The following KCNMB3 variants were observed in gnomAD, a reference collection of about 807,000 sequenced individuals.
The protein encoded by KCNMB3 is potassium calcium-activated channel subfamily M regulatory beta subunit 3.
Under a neutral mutation model 11.9 loss-of-function variants are expected in KCNMB3, and 18 were observed. The observed-to-expected ratio is 1.51, with a 90% confidence interval of 1.04 to 2.23. The LOEUF is 2.23. Among genes scored for constraint, KCNMB3 ranks in the 30% most tolerant of loss-of-function variants. The probability of loss-of-function intolerance (pLI) is 0.00; values close to 1 mark genes in which losing one functional copy is unlikely to be tolerated. For synonymous variants in KCNMB3, 78 were observed against 119.2 expected (o/e 0.65, Z 2.25); for missense variants, 247 against 329.4 (o/e 0.75, Z 1.94).
At chr3:179,253,250 C>T (rs753459086), upstream of KCNMB3, among the ~76,000 whole-genome samples, 1 of 152,058 alleles carries the variant, frequency 6.6e-6, no homozygotes, top group Non-Finnish European at 1.5e-5. Context: ...AATGAGGTCG[C>T]TCTTCTAATG....
intron 1 of KCNMB3, among the ~76,000 whole-genome samples, chr3:179,249,992 T>C (rs923368965): frequency 2.0e-5 from 3 of 152,040 alleles, no homozygotes; most frequent in Admixed American, 6.6e-5. Flanking sequence ...ACGTTTACCT[T>C]TGTAACAAAC....
chr3:179,251,566 G>C, upstream of KCNMB3: 2 of 1,307,864 alleles, frequency 1.5e-6, no homozygotes, highest in Non-Finnish European at 1.9e-6. Context: ...TCTCTCCACT[G>C]TGCCTGCAAA....
chr3:179,261,532 G>T (rs527573457), intron 1 of KCNMB3, among the ~76,000 whole-genome samples: 28 of 152,148 alleles, frequency 1.8e-4, no homozygotes, highest in African/African-American at 6.7e-4. Flanking sequence ...ATGGCGCGGG[G>T]GAAGCGGGGC....
chr3:179,265,588 C>G (rs1459393073), intron 1 of KCNMB3, among the ~76,000 whole-genome samples: 2 of 152,172 alleles, frequency 1.3e-5, no homozygotes, highest in African/African-American at 4.8e-5. Flanking sequence ...TCCTGAGTAG[C>G]TGGGATTACA....
At chr3:179,258,733 A>C (rs1726102933) in intron 1 of KCNMB3, among the ~76,000 whole-genome samples, 1 of 152,220 alleles carries the variant, frequency 6.6e-6, no homozygotes. Context: ...TATTTTTATT[A>C]AGTGGACTAT....
intron 1 of KCNMB3, chr3:179,260,700 G>T: frequency 7.1e-7 from 1 of 1,400,552 alleles, no homozygotes; most frequent in Non-Finnish European, 1.0e-6. Context: ...TGTTTCTCGA[G>T]CATTTCCTCT....
chr3:179,257,980 G>A (rs540032083), intron 1 of KCNMB3, among the ~76,000 whole-genome samples: 1 of 152,276 alleles, frequency 6.6e-6, no homozygotes, highest in Non-Finnish European at 1.5e-5. Flanking sequence ...CGCCTCGCAG[G>A]TTCAAGCGAT....
intron 1 of KCNMB3, chr3:179,259,850 C>A: frequency 6.2e-7 from 1 of 1,612,408 alleles, no homozygotes; most frequent in Admixed American, 1.7e-5. Context: ...GACCTGTCGC[C>A]TCCTGACCCT....
chr3:179,250,806 A>C lies in KCNMB3; in HGVS notation c.185T>G (p.Met62Arg), dbSNP rs1262876407. Reference sequence around the variant, plus strand: ...GAAGAACATTAGGACTGAGAAGCCCATCATGGCAAACCCCAGCATCACGGC... The same window carrying C: ...GAAGAACATTAGGACTGAGAAGCCCCTCATGGCAAACCCCAGCATCACGGC... The part of the protein sequence containing the change: ...DRAVMLGFAM[M>R]GFSVLMFFLL... The change falls in exon 1 of 3, where the codon ATG becomes AGG. Residue 62 changes from methionine (M) to arginine (R), a missense_variant. This residue lies in a region of KCNMB3 where 160 missense variants were observed against 157.5 expected (regional missense o/e 1.02). Transcript: ENST00000392685. 4 of 1,614,098 alleles carry C rather than the reference A, an allele frequency of 2.5e-6. No individual in the cohort carries two copies. The Admixed American group carries it at 5.0e-5, about 20-fold the overall frequency.
intron 1 of KCNMB3, chr3:179,261,025 G>C (rs1289988661): frequency 2.3e-5 from 23 of 984,042 alleles, no homozygotes; most frequent in South Asian, 2.0e-4. Flanking sequence ...CTCTCTGAGA[G>C]GAAGTCCCAC....
At chr3:179,260,374 G>C (rs1242253983) in intron 1 of KCNMB3, 6 of 1,613,840 alleles carry the variant, frequency 3.7e-6, no homozygotes, top group East Asian at 2.2e-5. Flanking sequence ...CCTAGGAATG[G>C]GGCAGTGTCT....
chr3:179,243,799 G>A (rs1406504323), intron 2 of KCNMB3, among the ~76,000 whole-genome samples: 1 of 152,200 alleles, frequency 6.6e-6, no homozygotes, highest in African/African-American at 2.4e-5. Flanking sequence ...CAGTGGAGAA[G>A]GGAGCTCTGT....
intron 1 of KCNMB3, chr3:179,266,522 C>G: frequency 9.5e-7 from 1 of 1,053,770 alleles, no homozygotes; most frequent in African/African-American, 1.6e-5. Flanking sequence ...CCCTGGGAGG[C>G]ATGGCAAGTG....
chr3:179,256,974 C>A (rs993511466), intron 1 of KCNMB3, among the ~76,000 whole-genome samples: 4 of 152,120 alleles, frequency 2.6e-5, no homozygotes, highest in Admixed American at 6.5e-5. Context: ...CCAGCCTGGG[C>A]AACATAGCAA....
intron 1 of KCNMB3, chr3:179,259,400 G>A (rs1347964241): frequency 1.0e-5 from 16 of 1,590,370 alleles, no homozygotes; most frequent in African/African-American, 1.4e-5. Flanking sequence ...ATTGAACTGT[G>A]ACATCCTCAA....
upstream of KCNMB3, chr3:179,251,325 A>G (rs1017733071): frequency 4.2e-5 from 61 of 1,440,612 alleles, no homozygotes; most frequent in African/African-American, 8.6e-4. Flanking sequence ...CATGGAAAGA[A>G]TGACTCAAAA....
At chr3:179,265,793 C>CA (rs1560163252) in intron 1 of KCNMB3, among the ~76,000 whole-genome samples, 1 of 152,216 alleles carries the variant, frequency 6.6e-6, no homozygotes, top group Admixed American at 6.5e-5. Context: ...CCAACACCCT[C>CA]AGGCATCACT....
Position 179,259,374 on chromosome 3 carries a change from G to A in KCNMB3, c.62+7275C>T, listed in dbSNP as rs149305279. On this transcript the variant is annotated intron_variant, in intron 1 of 3. Coordinates refer to the KCNMB3 transcript ENST00000349697. Reference sequence around the variant, plus strand: ...ACCTTCATCTAATTCTTCACCACCAGCCCTCGGGCCTGATGATTGAACTGT... The same window carrying A: ...ACCTTCATCTAATTCTTCACCACCAACCCTCGGGCCTGATGATTGAACTGT... The A allele has an allele frequency of 1.8e-4, 280 of 1,572,524 alleles. No homozygotes were observed. The African/African-American group carries it at 2.5e-3, about 14-fold the overall frequency.
At chr3:179,247,818 GAGATGAATCATAAATA>G (rs1446785181) in intron 1 of KCNMB3, among the ~76,000 whole-genome samples, 54 of 152,086 alleles carry the variant, frequency 3.6e-4, no homozygotes, top group Admixed American at 1.6e-3. Flanking sequence ...GGAATGGCAG[GAGATGAATCATAAATA>G]ACAGAAGTAG....
Sources: allele counts gnomAD v4.1 joint callset (sites outside exome capture counted in the v4.1 genomes callset), GRCh38; gene constraint gnomAD v4.1.1; regional missense constraint gnomAD v4.1.1; transcripts MANE v1.5; gene names NCBI Gene and HGNC (gene_info 2026-07-23, HGNC 2026-07-21).